The following AHSA1 variants were observed in gnomAD, a reference collection of about 807,000 sequenced individuals.
AHSA1 encodes the protein activator of HSP90 ATPase activity 1.
In AHSA1, 14 loss-of-function variants were observed where a neutral mutation model predicts 46.1. The ratio of observed to expected loss-of-function variants is 0.30; its 90% CI spans 0.20 to 0.47. The LOEUF is 0.47. Among genes scored for constraint, AHSA1 ranks in the 20% least tolerant of loss-of-function variants. The pLI is 0.99. For missense variants in AHSA1, 333 were observed against 415.9 expected, an observed-to-expected ratio of 0.80 and a Z score of 1.73; for synonymous variants, 147 against 145.8, an observed-to-expected ratio of 1.01 and a Z score of -0.06.
chr14:77,465,827 CT>C (rs370588910), intron 6 of AHSA1, among the ~76,000 whole-genome samples, 160 bp downstream of exon 6: 365 of 145,788 alleles, frequency 2.5e-3, no homozygotes, highest in Non-Finnish European at 4.0e-3. Context: ...CCTCTATTCT[CT>C]TTTTTTTTTT....
At chr14:77,461,454 T>G (rs2079024210) in intron 2 of AHSA1, among the ~76,000 whole-genome samples, 1 of 152,104 alleles carries the variant, frequency 6.6e-6, no homozygotes, top group South Asian at 2.1e-4. Context: ...TGCTTGAACC[T>G]GGGAGGTGGA....
chr14:77,464,784 A>G (rs1319597472), intron 5 of AHSA1, 98 bp downstream of exon 5: 2 of 1,005,468 alleles, frequency 2.0e-6, no homozygotes, highest in East Asian at 2.6e-5. Flanking sequence ...CTAACCTCTA[A>G]GCCAGACCAG....
chr14:77,466,897 G>A (rs530152877), intron 6 of AHSA1, among the ~76,000 whole-genome samples: 1 of 152,316 alleles, frequency 6.6e-6, no homozygotes, highest in Non-Finnish European at 1.5e-5. Flanking sequence ...ACAGACTTCA[G>A]TTGAATCTCT....
At chr14:77,465,721 G>C (rs2079045207) in intron 6 of AHSA1, 54 bp downstream of exon 6, 1 of 1,592,028 alleles carries the variant, frequency 6.3e-7, no homozygotes, top group Admixed American at 1.7e-5. Flanking sequence ...TAGGTGACTT[G>C]AGTTGGGGGC....
At chr14:77,468,562 A>T (rs1321451108) in intron 8 of AHSA1, 54 bp downstream of exon 8, 34 of 1,090,774 alleles carry the variant, frequency 3.1e-5, no homozygotes, top group South Asian at 4.5e-5. Context: ...CTTTGCTGTA[A>T]TTTTTTTTTT....
chr14:77,458,918 C>T (rs1445124744), intron 1 of AHSA1, among the ~76,000 whole-genome samples: 1 of 152,194 alleles, frequency 6.6e-6, no homozygotes, highest in Non-Finnish European at 1.5e-5. Flanking sequence ...TTTTTGAATT[C>T]CACTGAACTT....
intron 5 of AHSA1, 144 bp from the exon 6 acceptor site, chr14:77,465,395 C>A: frequency 1.1e-6 from 1 of 928,152 alleles, no homozygotes; most frequent in Non-Finnish European, 1.6e-6. Context: ...CCTACACACT[C>A]AAATTCCCTT....
At chr14:77,465,076 C>T (rs2079042191) in intron 5 of AHSA1, among the ~76,000 whole-genome samples, 1 of 152,130 alleles carries the variant, frequency 6.6e-6, no homozygotes, top group South Asian at 2.1e-4. Context: ...CTGTCTTCAC[C>T]CAATCTCCCC....
intron 7 of AHSA1, 102 bp downstream of exon 7, chr14:77,468,286 CTT>C (rs371166152): frequency 5.1e-5 from 56 of 1,104,866 alleles, no homozygotes; most frequent in East Asian, 3.1e-4. Flanking sequence ...GCTTTAATCT[CTT>C]TGTTAATAAA....
chr14:77,462,490 A>G, intron 3 of AHSA1, 152 bp from the exon 4 acceptor site: 1 of 803,772 alleles, frequency 1.2e-6, no homozygotes, highest in Admixed American at 2.1e-5. Context: ...GAGAGGACTC[A>G]AGAAGGAACA....
At position 77,464,684 on chromosome 14, in the gene AHSA1, A is replaced by G. The variant is rs781622184; in HGVS notation, c.559A>G (p.Lys187Glu). The G allele has an allele frequency of 7.4e-6, 12 of 1,613,134 alleles. No individual in the cohort carries two copies. Among genetic ancestry groups the G allele is most frequent in the Non-Finnish European group, 9.3e-6 (11 of 1,179,868 alleles). Residue 187 changes from lysine (K) to glutamate (E), a missense_variant and splice_region_variant, in exon 5 of 9, where the codon AAG (lysine) becomes GAG (glutamate). Physicochemically the swap from Lys to Glu is moderately conservative, Grantham distance 56 (BLOSUM62 1). Transcript: ENST00000216479. ...GQPALKTEER[K>E]AKPAPSKTQA... The stretch of plus-strand genomic sequence containing the variant: ...GCCAGCACTGAAAACTGAGGAGCGC[A>G]AGGTAAATGGTTTTCCTGGGGTGGG...
Position 77,469,348 on chromosome 14 carries a change from C to G in AHSA1, c.*99C>G. On this transcript the variant is annotated 3_prime_UTR_variant, in exon 9 of 9. Coordinates refer to ENST00000216479, the MANE Select transcript of AHSA1 (RefSeq NM_012111.3). ...AGGATTGCATCGTCCCAGCTGCTAA[C>G]TTGGGGCCGGGGCCCCTCCCTTCCA... 4.7e-6 allele frequency: 7 copies of G among 1,490,292 alleles called. No homozygotes were observed. Among genetic ancestry groups the G allele is most frequent in the African/African-American group, 4.2e-5 (3 of 71,918 alleles). The allele number at this position is 1,490,292 out of a possible 1,614,324, so 92.3% of individuals were successfully genotyped here.
chr14:77,462,723 G>C lies in AHSA1; in HGVS notation c.436G>C (p.Glu146Gln). 1 of 1,614,166 alleles carries C rather than the reference G, an allele frequency of 6.2e-7. No individual in the cohort carries two copies. The highest frequency in any genetic ancestry group is 8.5e-7 in the Non-Finnish European group (1 of 1,180,014). ...GGAAGAAGGGGTGAAACTTCTAAGA[G>C]AAGCAATGGGAATTTACATCAGCAC... is the stretch of plus-strand genomic sequence containing the variant. Reference protein sequence around the residue: ...MKEEGVKLLREAMGIYISTLK... With the variant: ...MKEEGVKLLRQAMGIYISTLK... The change falls in exon 4 of 9, where the codon GAA becomes CAA. Residue 146 changes from glutamate to glutamine, a missense_variant. Physicochemically the swap from Glu to Gln is conservative, Grantham distance 29 (BLOSUM62 2). Transcript: ENST00000216479.
In AHSA1 at chr14:77,469,276, C is replaced by A; in HGVS notation, c.*27C>A. Reference sequence around the variant, plus strand: ...GCCAGCGGCAGGGGACTCCAGCCTGCTGGACACTTCAGTCCAGCTCTCTCC... The same window carrying A: ...GCCAGCGGCAGGGGACTCCAGCCTGATGGACACTTCAGTCCAGCTCTCTCC... On this transcript the variant is annotated 3_prime_UTR_variant, in exon 9 of 9. Coordinates refer to ENST00000216479, the MANE Select transcript of AHSA1 (RefSeq NM_012111.3). 6.2e-7 allele frequency: 1 copy of A among 1,610,194 alleles called. No homozygotes were observed. The highest frequency in any genetic ancestry group is 8.5e-7 in the Non-Finnish European group (1 of 1,177,606).
intron 2 of AHSA1, among the ~76,000 whole-genome samples, chr14:77,461,266 C>T (rs2079022994): frequency 6.6e-6 from 1 of 151,356 alleles, no homozygotes; most frequent in African/African-American, 2.4e-5. Flanking sequence ...CGCGGCGGCT[C>T]ACGCCTGTAA....
chr14:77,459,946 G>A (rs1228551524), intron 2 of AHSA1, 140 bp downstream of exon 2: 3 of 894,588 alleles, frequency 3.4e-6, no homozygotes, highest in Non-Finnish European at 5.2e-6. Flanking sequence ...ATGTAAAGCA[G>A]TATCGAGTCC....
intron 8 of AHSA1, chr14:77,468,736 T>C: frequency 2.0e-6 from 1 of 497,574 alleles, no homozygotes; most frequent in Non-Finnish European, 3.5e-6. Context: ...TTTTTTTTTT[T>C]TTTTTTTTTA....
chr14:77,463,670 C>T (rs1164010728), intron 4 of AHSA1, among the ~76,000 whole-genome samples: 2 of 151,768 alleles, frequency 1.3e-5, no homozygotes, highest in Non-Finnish European at 2.9e-5. Flanking sequence ...GACTTGGCAT[C>T]TCTGGACTCA....
intron 3 of AHSA1, 24 bp from the exon 4 acceptor site, chr14:77,462,618 A>G: frequency 1.2e-6 from 2 of 1,608,400 alleles, no homozygotes; most frequent in Non-Finnish European, 1.7e-6. Flanking sequence ...GTTATTTACC[A>G]CCTACTTCTC....
Sources: gnomAD v4.1 joint callset for allele counts (sites outside exome capture counted in the v4.1 genomes callset) on GRCh38, gnomAD v4.1.1 for gene constraint, MANE v1.5 for transcripts, NCBI Gene and HGNC (gene_info 2026-07-23, HGNC 2026-07-21) for gene names.